Variants in ZSCAN5A observed in about 807,000 individuals in gnomAD.
ZSCAN5A encodes zinc finger and SCAN domain containing 5A.
In ZSCAN5A, 12 loss-of-function variants were observed where a neutral mutation model predicts 23.7. The observed-to-expected ratio is 0.51, with a 90% CI of 0.32 to 0.82. ZSCAN5A has a LOEUF of 0.82. ZSCAN5A is among the 40% of genes least tolerant of loss of function. ZSCAN5A has a pLI of 0.03. For synonymous variants in ZSCAN5A, 257 were observed against 239.9 expected (o/e 1.07, Z -0.66); for missense variants, 597 against 617.9 (o/e 0.97, Z 0.36).
At chr19:56,246,919 G>A in intron 2 of ZSCAN5A, 1 of 1,604,328 alleles carries the variant, frequency 6.2e-7, no homozygotes, top group Non-Finnish European at 8.5e-7. Flanking sequence ...CATTTCCCAA[G>A]AAGGGCCTCA....
intron 2 of ZSCAN5A, among the ~76,000 whole-genome samples, chr19:56,327,131 A>G (rs1261324736): frequency 6.6e-6 from 1 of 151,692 alleles, no homozygotes; most frequent in Non-Finnish European, 1.5e-5. Context: ...TCGTCATGCT[A>G]TATATACATT....
rs939167805 is a variant in ZSCAN5A at position 56,320,009 on chromosome 19, C to T, written c.-357-3741G>A. The T allele has an allele frequency of 5.7e-6, 5 of 873,944 alleles. No individual in the cohort carries two copies. The Admixed American group carries it at 8.5e-5, about 15-fold the overall frequency. 54.1% of individuals were successfully genotyped at this position (873,944 alleles called of 1,614,324 possible). A position where few individuals can be genotyped will look rare whatever the true frequency, so the allele number is the denominator to read the frequency against. On this transcript the variant is annotated intron_variant, in intron 2 of 6. Coordinates refer to the ZSCAN5A transcript ENST00000587340. ...TTGGACATTGATACTCTCTAATACA[C>T]ATGGAACATCAACAATGGTAATAAA...
chr19:56,296,962 G>A (rs532520261), intron 2 of ZSCAN5A, among the ~76,000 whole-genome samples: 2 of 152,188 alleles, frequency 1.3e-5, no homozygotes, highest in South Asian at 2.1e-4. Context: ...CTAGCTACTC[G>A]GGAGGTTGAG....
intron 2 of ZSCAN5A, among the ~76,000 whole-genome samples, chr19:56,301,565 C>A (rs1443381538): frequency 6.6e-6 from 1 of 152,150 alleles, no homozygotes; most frequent in African/African-American, 2.4e-5. Context: ...CTTGTGCCAA[C>A]CTCCTATTGT....
At chr19:56,228,990 A>G (rs945869076) in intron 2 of ZSCAN5A, among the ~76,000 whole-genome samples, 2 of 152,138 alleles carry the variant, frequency 1.3e-5, no homozygotes, top group African/African-American at 4.8e-5. Context: ...TTATAGATAC[A>G]CTGAGGGTCC....
At chr19:56,260,995 G>C (rs1453600766) in intron 2 of ZSCAN5A, among the ~76,000 whole-genome samples, 1 of 152,076 alleles carries the variant, frequency 6.6e-6, no homozygotes, top group Non-Finnish European at 1.5e-5. Context: ...ATCATCTGAG[G>C]TCAGGAGTTC....
chr19:56,333,318 A>G (rs756648704), intron 2 of ZSCAN5A, among the ~76,000 whole-genome samples: 2 of 151,778 alleles, frequency 1.3e-5, no homozygotes, highest in Non-Finnish European at 2.9e-5. Flanking sequence ...TGGTCACTTT[A>G]TATAATCCCA....
chr19:56,341,713 A>AC (rs1450755100), intron 2 of ZSCAN5A, among the ~76,000 whole-genome samples: 3 of 150,540 alleles, frequency 2.0e-5, no homozygotes, highest in African/African-American at 7.3e-5. Context: ...AAAAAAAAAA[A>AC]AAAAAAAAAA....
chr19:56,309,726 C>T (rs1182930410), intron 2 of ZSCAN5A, among the ~76,000 whole-genome samples: 2 of 152,160 alleles, frequency 1.3e-5, no homozygotes, highest in East Asian at 1.9e-4. Context: ...CCTGCTCCTG[C>T]GGGGCGCGCC....
chr19:56,269,557 A>C (rs1009731740), intron 2 of ZSCAN5A, among the ~76,000 whole-genome samples: 10 of 152,200 alleles, frequency 6.6e-5, no homozygotes, highest in Non-Finnish European at 1.0e-4. Context: ...GGTAGGTCCA[A>C]TGTAATCACA....
chr19:56,252,871 G>T (rs1202219583), intron 2 of ZSCAN5A, among the ~76,000 whole-genome samples: 1 of 152,218 alleles, frequency 6.6e-6, no homozygotes, highest in African/African-American at 2.4e-5. Flanking sequence ...GGCAGGAGCT[G>T]GGGTCGTGAA....
upstream of ZSCAN5A, chr19:56,319,799 A>G: frequency 1.3e-6 from 1 of 776,122 alleles, no homozygotes; most frequent in Non-Finnish European, 2.4e-6. Flanking sequence ...ACTATGGTCC[A>G]CTGGAATTGG....
intron 2 of ZSCAN5A, chr19:56,347,917 A>G (rs2041644695): frequency 6.6e-6 from 1 of 152,268 alleles, no homozygotes; most frequent in African/African-American, 2.4e-5. Flanking sequence ...TGCAACATCC[A>G]GAATCCCCAA....
intron 2 of ZSCAN5A, chr19:56,244,063 C>T (rs1047953958): frequency 9.0e-7 from 1 of 1,107,748 alleles, no homozygotes; most frequent in South Asian, 1.4e-5. Flanking sequence ...ATTGCAACTC[C>T]TCATGGGGTC....
At chr19:56,293,611 C>T (rs1417513020) in intron 2 of ZSCAN5A, among the ~76,000 whole-genome samples, 1 of 152,162 alleles carries the variant, frequency 6.6e-6, no homozygotes, top group African/African-American at 2.4e-5. Context: ...GGCCCCTGGT[C>T]GGTACAATGC....
intron 2 of ZSCAN5A, among the ~76,000 whole-genome samples, chr19:56,339,935 A>G (rs2041578158): frequency 6.6e-6 from 1 of 152,256 alleles, no homozygotes; most frequent in Non-Finnish European, 1.5e-5. Context: ...TAGATGACTT[A>G]GAGAACTCAA....
At chr19:56,291,912 G>C (rs1026614534) in intron 2 of ZSCAN5A, among the ~76,000 whole-genome samples, 1 of 152,160 alleles carries the variant, frequency 6.6e-6, no homozygotes, top group African/African-American at 2.4e-5. Flanking sequence ...CTAGGTGCCA[G>C]GCGCGAGGCA....
At chr19:56,308,007 C>T (rs1481227301) in intron 2 of ZSCAN5A, among the ~76,000 whole-genome samples, 1 of 152,172 alleles carries the variant, frequency 6.6e-6, no homozygotes, top group Admixed American at 6.5e-5. Flanking sequence ...TCTCTTGATC[C>T]CCCCACCCAC....
chr19:56,262,423 GTTTT>G (rs907576132), intron 2 of ZSCAN5A, among the ~76,000 whole-genome samples: 6 of 137,318 alleles, frequency 4.4e-5, no homozygotes, highest in Non-Finnish European at 7.9e-5. Flanking sequence ...TTTTTTTTTT[GTTTT>G]TTTGTTTTTT....
Sources: gnomAD v4.1 joint callset for allele counts (sites outside exome capture counted in the v4.1 genomes callset) on GRCh38, gnomAD v4.1.1 for gene constraint, MANE v1.5 for transcripts, NCBI Gene and HGNC (gene_info 2026-07-23, HGNC 2026-07-21) for gene names.